Variants in UNC5D observed in about 807,000 individuals in gnomAD.
The protein encoded by UNC5D is netrin receptor UNC5D.
A neutral mutation model predicts 105.4 loss-of-function variants in UNC5D; 39 were observed. The ratio of observed to expected loss-of-function variants is 0.37; its 90% CI spans 0.29 to 0.48. UNC5D has a LOEUF of 0.48. UNC5D is among the 20% of genes least tolerant of loss of function. The pLI is 0.98. For missense variants in UNC5D, 991 were observed against 1,202.4 expected, an observed-to-expected ratio of 0.82 and a Z score of 2.60; for synonymous variants, 452 against 450.4, an observed-to-expected ratio of 1.00 and a Z score of -0.04.
intron 1 of UNC5D, among the ~76,000 whole-genome samples, chr8:35,474,939 G>C (rs553247051): frequency 1.2e-4 from 19 of 152,282 alleles, no homozygotes; most frequent in African/African-American, 4.3e-4. Context: ...AGTGTCAGTA[G>C]GTGAGTGAGG....
At chr8:35,755,758 C>G (rs1830490469) in intron 13 of UNC5D, among the ~76,000 whole-genome samples, 3 of 152,150 alleles carry the variant, frequency 2.0e-5, no homozygotes. Context: ...CTGGCCAGAC[C>G]CTGTTTCCTA....
intron 4 of UNC5D, among the ~76,000 whole-genome samples, chr8:35,613,308 C>T (rs188657044): frequency 1.9e-3 from 296 of 152,326 alleles, no homozygotes; most frequent in Non-Finnish European, 2.1e-3. Context: ...CATTAGGGCT[C>T]AGGTGATCTG....
chr8:35,492,541 A>C (rs566396318), intron 1 of UNC5D, among the ~76,000 whole-genome samples: 6 of 152,124 alleles, frequency 3.9e-5, no homozygotes, highest in Non-Finnish European at 8.8e-5. Flanking sequence ...TCTTCCTCTG[A>C]AAGAGGAAGT....
chr8:35,632,011 G>A (rs1822071492), intron 4 of UNC5D, among the ~76,000 whole-genome samples: 1 of 152,190 alleles, frequency 6.6e-6, no homozygotes, highest in South Asian at 2.1e-4. Flanking sequence ...CCCCGTGCAT[G>A]CATCTGACAT....
chr8:35,393,333 C>T (rs1168854010), intron 1 of UNC5D, among the ~76,000 whole-genome samples: 3 of 151,454 alleles, frequency 2.0e-5, no homozygotes, highest in Non-Finnish European at 2.9e-5. Context: ...CGGGGTTTCA[C>T]CGTGTTAGCC....
In UNC5D at chr8:35,794,467, A is replaced by C. The variant is rs1353263665; in HGVS notation, c.*3904A>C. 1 of 152,554 alleles carries C rather than the reference A, an allele frequency of 6.6e-6. No individual in the cohort carries two copies. Among genetic ancestry groups the C allele is most frequent in the African/African-American group, 2.4e-5 (1 of 41,454 alleles). The allele number at this position is 152,554 out of a possible 1,614,324, so 9.5% of individuals were successfully genotyped here. ...AAATGGGAGAGCAAAATGTTGGCCT[A>C]CAGAGAATGACACAATTTTATTCGC... On this transcript the variant is annotated 3_prime_UTR_variant, in exon 17 of 17. Coordinates refer to ENST00000404895, the MANE Select transcript of UNC5D (RefSeq NM_080872.4).
intron 7 of UNC5D, among the ~76,000 whole-genome samples, chr8:35,701,574 G>A (rs942406562): frequency 1.3e-5 from 2 of 152,110 alleles, no homozygotes; most frequent in Non-Finnish European, 2.9e-5. Flanking sequence ...AGGTGAAAAA[G>A]AAATGAATCA....
At chr8:35,768,290 A>T (rs1198516760) in intron 15 of UNC5D, among the ~76,000 whole-genome samples, 4 of 152,140 alleles carry the variant, frequency 2.6e-5, no homozygotes, top group African/African-American at 4.8e-5. Flanking sequence ...TTTATGCAGT[A>T]TTTGCGTTCA....
intron 4 of UNC5D, among the ~76,000 whole-genome samples, chr8:35,610,017 G>C (rs1820568558): frequency 6.6e-6 from 1 of 152,062 alleles, no homozygotes; most frequent in Admixed American, 6.5e-5. Context: ...GACCAGAAAA[G>C]TGTTATGAAT....
intron 1 of UNC5D, among the ~76,000 whole-genome samples, chr8:35,498,320 G>A (rs896827282): frequency 2.0e-5 from 3 of 151,792 alleles, no homozygotes; most frequent in Non-Finnish European, 4.4e-5. Flanking sequence ...GTATATTAAA[G>A]ACTGGGTGAC....
intron 1 of UNC5D, among the ~76,000 whole-genome samples, chr8:35,459,539 T>C (rs62505491): frequency 0.047 from 7,088 of 152,282 alleles, 251 homozygotes; most frequent in Non-Finnish European, 0.071. Context: ...TGAGGCCAAG[T>C]GTTCAAATCA....
chr8:35,756,559 A>G (rs1036127724), intron 13 of UNC5D, among the ~76,000 whole-genome samples: 2 of 150,288 alleles, frequency 1.3e-5, no homozygotes, highest in Non-Finnish European at 1.5e-5. Context: ...TTTAAAAAAA[A>G]AAAAAAAAGA....
intron 1 of UNC5D, among the ~76,000 whole-genome samples, chr8:35,265,353 A>C (rs1804787382): frequency 6.6e-6 from 1 of 152,122 alleles, no homozygotes; most frequent in African/African-American, 2.4e-5. Context: ...CTGTAAAAAA[A>C]GATAGATAGT....
At chr8:35,589,706 A>G (rs948585834) in intron 3 of UNC5D, among the ~76,000 whole-genome samples, 7 of 152,072 alleles carry the variant, frequency 4.6e-5, no homozygotes, top group African/African-American at 1.4e-4. Context: ...TTCTGTCTCT[A>G]TGGATTTACC....
At chr8:35,746,473 G>A (rs1043387437) in intron 11 of UNC5D, among the ~76,000 whole-genome samples, 1 of 152,118 alleles carries the variant, frequency 6.6e-6, no homozygotes, top group Non-Finnish European at 1.5e-5. Flanking sequence ...TTTCACAGTA[G>A]GAGGATTAAA....
chr8:35,373,506 A>T (rs1456698463), intron 1 of UNC5D, among the ~76,000 whole-genome samples: 1 of 152,200 alleles, frequency 6.6e-6, no homozygotes, highest in Non-Finnish European at 1.5e-5. Flanking sequence ...ATGATTCTAC[A>T]TGCTTGTTCT....
intron 1 of UNC5D, among the ~76,000 whole-genome samples, chr8:35,398,286 T>G: frequency 6.6e-6 from 1 of 152,176 alleles, no homozygotes; most frequent in East Asian, 1.9e-4. Flanking sequence ...CTCCTTCTTT[T>G]AAATGAATCA....
At chr8:35,583,754 C>A (rs1390313916) in intron 3 of UNC5D, among the ~76,000 whole-genome samples, 1 of 152,110 alleles carries the variant, frequency 6.6e-6, no homozygotes, top group Non-Finnish European at 1.5e-5. Flanking sequence ...AATGGCTTTT[C>A]CTGTTGAAGA....
chr8:35,479,730 C>A (rs1385430148), intron 1 of UNC5D, among the ~76,000 whole-genome samples: 1 of 152,048 alleles, frequency 6.6e-6, no homozygotes, highest in Non-Finnish European at 1.5e-5. Context: ...TAAGTGAGAG[C>A]TAAATATTGA....
Sources: gnomAD v4.1 joint callset for allele counts (sites outside exome capture counted in the v4.1 genomes callset) on GRCh38, gnomAD v4.1.1 for gene constraint, MANE v1.5 for transcripts, NCBI Gene and HGNC (gene_info 2026-07-23, HGNC 2026-07-21) for gene names.